The following PLPP4 variants were observed in gnomAD, a reference collection of about 807,000 sequenced individuals.
The protein encoded by PLPP4 is diacylglycerol pyrophosphate like 2.
In PLPP4, 20 loss-of-function variants were observed where a neutral mutation model predicts 32.2. The observed-to-expected ratio is 0.62, with a 90% CI of 0.44 to 0.90. The LOEUF (loss-of-function observed/expected upper bound fraction) is 0.90. PLPP4 is among the 40% of genes least tolerant of loss of function. The pLI is 0.00. For synonymous variants in PLPP4, 127 were observed against 133.0 expected (o/e 0.95, Z 0.31); for missense variants, 257 against 353.1 (o/e 0.73, Z 2.18).
Position 120,521,508 on chromosome 10 carries a change from C to T in PLPP4, c.445+413C>T, listed in dbSNP as rs143722186. Among the ~76,000 whole-genome samples the T allele has an allele frequency of 7.1e-3, 1,080 of 152,290 alleles. 6 individuals are homozygous for T. The highest frequency in any genetic ancestry group is 0.012 in the Non-Finnish European group (841 of 68,030). On this transcript the variant is annotated intron_variant, in intron 5 of 6. Coordinates refer to ENST00000398250, the MANE Select transcript of PLPP4 (RefSeq NM_001030059.3). The stretch of plus-strand genomic sequence containing the variant: ...ACATATGTATACATATATACATATA[C>T]ATACATATGTTACATGTATATACAT...
At chr10:120,533,871 G>A (rs1210770220) in intron 5 of PLPP4, among the ~76,000 whole-genome samples, 1 of 151,948 alleles carries the variant, frequency 6.6e-6, no homozygotes, top group African/African-American at 2.4e-5. Flanking sequence ...AGTCCAATCC[G>A]ACTTTGCTCC....
At chr10:120,586,520 A>G (rs1849770243) in intron 6 of PLPP4, among the ~76,000 whole-genome samples, 2 of 152,094 alleles carry the variant, frequency 1.3e-5, no homozygotes, top group Admixed American at 1.3e-4. Context: ...CACTTACATA[A>G]CAAGGCCTCT....
intron 5 of PLPP4, among the ~76,000 whole-genome samples, chr10:120,547,264 T>TG (rs1564831620): frequency 1.3e-5 from 2 of 151,974 alleles, no homozygotes; most frequent in African/African-American, 4.8e-5. Context: ...GAAAGGCATT[T>TG]ATTTCAAAGA....
At chr10:120,573,056 G>C (rs1362908591) in intron 5 of PLPP4, among the ~76,000 whole-genome samples, 11 of 152,110 alleles carry the variant, frequency 7.2e-5, no homozygotes, top group African/African-American at 2.2e-4. Context: ...AGTTCAACGG[G>C]GAGGAGAAAA....
At chr10:120,536,627 C>T (rs1847030628) in intron 5 of PLPP4, among the ~76,000 whole-genome samples, 1 of 134,420 alleles carries the variant, frequency 7.4e-6, no homozygotes, top group Non-Finnish European at 1.5e-5. Flanking sequence ...CAACTTTGGT[C>T]TTCTTGGCAA....
intron 1 of PLPP4, among the ~76,000 whole-genome samples, chr10:120,495,871 A>G (rs931212628): frequency 1.3e-5 from 2 of 152,198 alleles, no homozygotes; most frequent in African/African-American, 2.4e-5. Context: ...TCAGTGCCCC[A>G]GGTGCTATGC....
chr10:120,485,560 A>T (rs1033926403), intron 1 of PLPP4, among the ~76,000 whole-genome samples: 2 of 152,214 alleles, frequency 1.3e-5, no homozygotes, highest in Admixed American at 1.3e-4. Flanking sequence ...CAGAAGGGGA[A>T]TTCCTGTTAA....
rs562506913 is a variant in PLPP4 at position 120,508,776 on chromosome 10, C to A, written c.165+4850C>A. The stretch of plus-strand genomic sequence containing the variant: ...CTCCCTCTTCTCTCCCCAACCTCCT[C>A]CTGCTACTCAAAGGTGCACACTACT... On this transcript the variant is annotated intron_variant, in intron 2 of 6. Transcript: ENST00000398250. 5.9e-5 allele frequency among the ~76,000 whole-genome samples: 9 copies of A among 152,310 alleles called. 1 individual carries two copies. Among genetic ancestry groups the A allele is most frequent in the African/African-American group, 2.2e-4 (9 of 41,566 alleles).
At chr10:120,490,689 G>T (rs1407023356) in intron 1 of PLPP4, among the ~76,000 whole-genome samples, 2 of 152,206 alleles carry the variant, frequency 1.3e-5, no homozygotes, top group Non-Finnish European at 2.9e-5. Context: ...CAGAGAAATG[G>T]TCATGGGTGT....
chr10:120,519,913 A>G (rs1373848479), intron 4 of PLPP4, among the ~76,000 whole-genome samples: 1 of 152,222 alleles, frequency 6.6e-6, no homozygotes, highest in Non-Finnish European at 1.5e-5. Context: ...GTGAGGCAGT[A>G]AAGCATGGGG....
intron 1 of PLPP4, among the ~76,000 whole-genome samples, chr10:120,500,384 C>A (rs577286431): frequency 6.6e-6 from 1 of 152,208 alleles, no homozygotes; most frequent in African/African-American, 2.4e-5. Flanking sequence ...CTGTGGGTGG[C>A]AGAATATATT....
chr10:120,557,413 C>G (rs1848209431), intron 5 of PLPP4, among the ~76,000 whole-genome samples: 1 of 152,184 alleles, frequency 6.6e-6, no homozygotes, highest in African/African-American at 2.4e-5. Flanking sequence ...AGAAATCAAT[C>G]AAGTGCCTCC....
intron 6 of PLPP4, among the ~76,000 whole-genome samples, chr10:120,584,198 G>C (rs1269098353): frequency 1.3e-5 from 2 of 152,072 alleles, no homozygotes; most frequent in East Asian, 3.9e-4. Context: ...ACCTCTCCCG[G>C]TTAACTCTTG....
At chr10:120,575,090 C>T (rs567535671) in intron 5 of PLPP4, 41 bp from the exon 6 acceptor site, 3 of 1,589,416 alleles carry the variant, frequency 1.9e-6, no homozygotes, top group Non-Finnish European at 2.6e-6. Flanking sequence ...CCCTGCCACT[C>T]ACCACCTGCT....
At chr10:120,545,388 G>A (rs749048131) in intron 5 of PLPP4, among the ~76,000 whole-genome samples, 4 of 149,878 alleles carry the variant, frequency 2.7e-5, no homozygotes, top group Admixed American at 1.3e-4. Flanking sequence ...GCCAAGGGAC[G>A]AGTATGATAT....
intron 5 of PLPP4, among the ~76,000 whole-genome samples, chr10:120,549,370 C>G (rs1378535560): frequency 1.3e-5 from 2 of 150,514 alleles, no homozygotes; most frequent in Non-Finnish European, 3.0e-5. Context: ...TAATTTAAAA[C>G]CTTTTCAGCA....
At chr10:120,462,989 T>TCTGCTTG (rs1848129159) in intron 1 of PLPP4, among the ~76,000 whole-genome samples, 1 of 151,526 alleles carries the variant, frequency 6.6e-6, no homozygotes, top group Non-Finnish European at 1.5e-5. Context: ...TCAGAATCAT[T>TCTGCTTG]CTGCTTGCTC....
chr10:120,514,265 T>G (rs1380909320), intron 3 of PLPP4, among the ~76,000 whole-genome samples: 1 of 152,226 alleles, frequency 6.6e-6, no homozygotes, highest in Non-Finnish European at 1.5e-5. Context: ...AGAGCTGTGC[T>G]GCTCAGGCGC....
At chr10:120,506,054 G>A (rs758197469) in intron 2 of PLPP4, among the ~76,000 whole-genome samples, 3 of 152,208 alleles carry the variant, frequency 2.0e-5, no homozygotes, top group South Asian at 4.1e-4. Flanking sequence ...GGCTACAGAC[G>A]TAAATACGAT....
Sources: gnomAD v4.1 joint callset for allele counts (sites outside exome capture counted in the v4.1 genomes callset) on GRCh38, gnomAD v4.1.1 for gene constraint, MANE v1.5 for transcripts, NCBI Gene and HGNC (gene_info 2026-07-23, HGNC 2026-07-21) for gene names.